Variants in LAMA1 observed in about 807,000 individuals in gnomAD.
LAMA1 encodes the protein laminin subunit alpha-1.
A neutral mutation model predicts 348.7 loss-of-function variants in LAMA1; 219 were observed. That is an observed-to-expected ratio of 0.63 (90% CI 0.56 to 0.70). The LOEUF is 0.70. Among genes scored for constraint, LAMA1 ranks in the 30% least tolerant of loss-of-function variants. The pLI, the probability that LAMA1 is intolerant of heterozygous loss-of-function variation, is 0.00. For synonymous variants in LAMA1, 1,487 were observed against 1,491.0 expected (o/e 1.00, Z 0.06); for missense variants, 3,744 against 3,888.0 (o/e 0.96, Z 0.99).
At chr18:7,040,282 G>T (rs748241482) in intron 9 of LAMA1, 46 bp from the exon 10 acceptor site, 8 of 1,602,800 alleles carry the variant, frequency 5.0e-6, no homozygotes, top group South Asian at 2.2e-5. Context: ...GGCAAAAGAG[G>T]TTTAAAGCAG....
At position 7,080,040 on chromosome 18, in the gene LAMA1, G is replaced by C. The variant is rs1361950803; in HGVS notation, c.280C>G (p.Gln94Glu). ...HAIDGTNNWW[Q>E]SPSIQNGREY... Reference sequence around the variant, plus strand: ...CTCCCATTCTGAATGCTGGGACTTTGCCACCAGTTATTGGTGCCATCTATG... The same window carrying C: ...CTCCCATTCTGAATGCTGGGACTTTCCCACCAGTTATTGGTGCCATCTATG... The change falls in exon 3 of 63, where the codon CAA becomes GAA. Residue 94 changes from glutamine (Q) to glutamate (E), a missense_variant. By Grantham distance (29) the Gln-to-Glu change is conservative. Transcript: ENST00000389658. 6.2e-7 allele frequency: 1 copy of C among 1,614,156 alleles called. No homozygotes were observed. Among genetic ancestry groups the C allele is most frequent in the Non-Finnish European group, 8.5e-7 (1 of 1,180,000 alleles).
chr18:6,985,669 G>A, intron 37 of LAMA1, 26 bp from the exon 38 acceptor site: 1 of 1,546,394 alleles, frequency 6.5e-7, no homozygotes. Flanking sequence ...CATTTTAAGG[G>A]TGCTTCATAA....
chr18:7,043,278 G>A lies in LAMA1; in HGVS notation c.1104C>T (p.Thr368=), dbSNP rs764275961. 3 of 1,614,086 alleles carry A rather than the reference G, an allele frequency of 1.9e-6. No individual in the cohort carries two copies. Among genetic ancestry groups the A allele is most frequent in the East Asian group, 2.2e-5 (1 of 44,858 alleles). ...TACAGGTTTCACAGTTGATTCCCAT[G>A]GTGTTCTGCAAGCAATTTATGCAAA... ...GGVCINCLQN[T]MGINCETCID... The change falls in exon 8 of 63, where the codon ACC becomes ACT. Residue 368 remains threonine, a synonymous_variant. Transcript: ENST00000389658.
intron 50 of LAMA1, 136 bp from the exon 51 acceptor site, chr18:6,964,939 T>A: frequency 1.0e-6 from 1 of 1,004,052 alleles, no homozygotes; most frequent in Non-Finnish European, 1.5e-6. Flanking sequence ...TCAGCTAATG[T>A]TCTTGGCTAT....
intron 1 of LAMA1, among the ~76,000 whole-genome samples, chr18:7,112,116 T>C (rs879734475): frequency 4.6e-5 from 7 of 152,298 alleles, no homozygotes; most frequent in Non-Finnish European, 8.8e-5. Flanking sequence ...ATTAATACTA[T>C]AGTAAACAAT....
At chr18:7,097,282 T>TAA (rs941757912) in intron 1 of LAMA1, among the ~76,000 whole-genome samples, 1 of 136,616 alleles carries the variant, frequency 7.3e-6, no homozygotes, top group South Asian at 2.3e-4. Flanking sequence ...AAAAAAATAA[T>TAA]AAAAAAAAAA....
intron 57 of LAMA1, chr18:6,954,971 C>T (rs1342572676): frequency 6.0e-6 from 2 of 333,474 alleles, no homozygotes; most frequent in Non-Finnish European, 1.2e-5. Context: ...GGGATTTTGG[C>T]CACCACAGTG....
chr18:6,961,932 C>T lies in LAMA1; in HGVS notation c.7452+13G>A, dbSNP rs2057609882. 1.9e-6 allele frequency: 3 copies of T among 1,595,384 alleles called. No individual in the cohort carries two copies. The highest frequency in any genetic ancestry group is 1.1e-5 in the South Asian group (1 of 90,718). On this transcript the variant is annotated intron_variant, in intron 52 of 62. Transcript: ENST00000389658. ...TGGAAACTCATTTGAACATTAATAA[C>T]AATGTTTCCTACCTCCAGTAAACAG...
chr18:7,088,747 C>A (rs2058227655), intron 1 of LAMA1, among the ~76,000 whole-genome samples: 1 of 152,076 alleles, frequency 6.6e-6, no homozygotes, highest in Admixed American at 6.6e-5. Flanking sequence ...TGGTCGGACT[C>A]CTGGCCTCAA....
At chr18:7,025,899 T>A in intron 17 of LAMA1, 80 bp downstream of exon 17, 1 of 1,535,836 alleles carries the variant, frequency 6.5e-7, no homozygotes, top group South Asian at 1.2e-5. Context: ...CACACAGTCT[T>A]GCTCTGAAGT....
intron 57 of LAMA1, chr18:6,953,752 T>A (rs1463178636): frequency 6.6e-6 from 1 of 152,238 alleles, no homozygotes; most frequent in Non-Finnish European, 1.5e-5. Context: ...AATCTTTGTG[T>A]CAACCTCCAG....
At chr18:7,041,444 A>G (rs1164441286) in intron 9 of LAMA1, among the ~76,000 whole-genome samples, 4 of 152,128 alleles carry the variant, frequency 2.6e-5, no homozygotes, top group Non-Finnish European at 4.4e-5. Context: ...TCAGTTGGGT[A>G]ATTTACCCTC....
intron 19 of LAMA1, among the ~76,000 whole-genome samples, chr18:7,018,596 C>T (rs374834619): frequency 1.6e-4 from 24 of 151,856 alleles, no homozygotes; most frequent in South Asian, 8.3e-4. Flanking sequence ...AGGGTTTCAC[C>T]GTGTTAGCCA....
rs556141681 is a variant in LAMA1 at position 6,984,540 on chromosome 18, G to A, written c.5660+697C>T. 2.6e-5 allele frequency among the ~76,000 whole-genome samples: 4 copies of A among 152,246 alleles called. No homozygotes were observed. In the South Asian group the frequency reaches 8.3e-4, roughly 32 times the overall value. On this transcript the variant is annotated intron_variant, in intron 39 of 62. Transcript: ENST00000389658. Reference sequence around the variant, plus strand: ...CCAGACCCATTAAGTCACAATCTTTGGGGGGAAGGCAGCTAAAGGACAAAG... The same window carrying A: ...CCAGACCCATTAAGTCACAATCTTTAGGGGGAAGGCAGCTAAAGGACAAAG...
At chr18:7,055,448 C>T (rs1246560624) in intron 3 of LAMA1, among the ~76,000 whole-genome samples, 6 of 126,308 alleles carry the variant, frequency 4.8e-5, no homozygotes, top group South Asian at 5.2e-4. Flanking sequence ...AGTGAAACTC[C>T]GTCTCAAAAA....
intron 3 of LAMA1, among the ~76,000 whole-genome samples, chr18:7,053,731 T>C (rs2058070719): frequency 6.6e-6 from 1 of 151,942 alleles, no homozygotes; most frequent in Non-Finnish European, 1.5e-5. Flanking sequence ...GGAAATTCAT[T>C]AGCTCCTAAG....
At chr18:6,955,610 C>T (rs1250498747) in intron 56 of LAMA1, 145 bp from the exon 57 acceptor site, 1 of 706,696 alleles carries the variant, frequency 1.4e-6, no homozygotes, top group Non-Finnish European at 2.6e-6. Context: ...CTCACTCCAT[C>T]TTCGGTTTAA....
chr18:6,985,712 T>C (rs1600373033), intron 37 of LAMA1, 69 bp from the exon 38 acceptor site: 4 of 941,156 alleles, frequency 4.3e-6, no homozygotes, highest in South Asian at 2.6e-5. Context: ...TGGTGCCTAA[T>C]GCTACGTGCA....
At chr18:6,948,280 T>TA in intron 60 of LAMA1, 123 bp downstream of exon 60, 2 of 1,308,934 alleles carry the variant, frequency 1.5e-6, no homozygotes, top group South Asian at 2.5e-5. Flanking sequence ...ACTGGAATAC[T>TA]AAACTCAATG....
Sources: allele counts gnomAD v4.1 joint callset (sites outside exome capture counted in the v4.1 genomes callset), GRCh38; gene constraint gnomAD v4.1.1; transcripts MANE v1.5; gene names NCBI Gene and HGNC (gene_info 2026-07-23, HGNC 2026-07-21).